The following SH3GL2 variants were observed in gnomAD, a reference collection of about 807,000 sequenced individuals.
SH3GL2 encodes SH3 domain containing GRB2 like 2, endophilin A1.
In SH3GL2, 24 loss-of-function variants were observed where a neutral mutation model predicts 46.0. The observed-to-expected ratio is 0.52, with a 90% CI of 0.38 to 0.73. SH3GL2 has a LOEUF of 0.73. Ranked by LOEUF, SH3GL2 falls within the 30% of genes least tolerant of loss-of-function variation. SH3GL2 has a pLI of 0.00. For synonymous variants in SH3GL2, 196 were observed against 147.1 expected, an observed-to-expected ratio of 1.33 and a Z score of -2.40; for missense variants, 413 against 424.2, an observed-to-expected ratio of 0.97 and a Z score of 0.23.
chr9:17,761,616 C>G lies in SH3GL2; in HGVS notation c.187+107C>G. 1.7e-5 allele frequency: 14 copies of G among 809,232 alleles called. No homozygotes were observed. The South Asian group carries it at 1.9e-4, about 11-fold the overall frequency. 50.1% of individuals were successfully genotyped at this position (809,232 alleles called of 1,614,324 possible). A position where few individuals can be genotyped will look rare whatever the true frequency, so the allele number is the denominator to read the frequency against. On this transcript the variant is annotated intron_variant, in intron 3 of 8. Transcript: ENST00000380607. ...GTTTCTTCTTTTGGTGTTGCTTCCTCGGTCCACTTTTCTGAGAGGTTAGCG... is the reference window on the plus strand; with the variant it reads ...GTTTCTTCTTTTGGTGTTGCTTCCTGGGTCCACTTTTCTGAGAGGTTAGCG...
chr9:17,698,773 C>G (rs1821271660), intron 1 of SH3GL2, among the ~76,000 whole-genome samples: 1 of 152,220 alleles, frequency 6.6e-6, no homozygotes, highest in Admixed American at 6.5e-5. Context: ...ACAGATGTTT[C>G]TAACCTTGAA....
At chr9:17,620,698 A>T (rs1819117760) in intron 1 of SH3GL2, among the ~76,000 whole-genome samples, 1 of 152,108 alleles carries the variant, frequency 6.6e-6, no homozygotes, top group Admixed American at 6.5e-5. Context: ...TTCAAGATAG[A>T]ATTTATCAGA....
At chr9:17,699,341 G>A (rs1821288928) in intron 1 of SH3GL2, among the ~76,000 whole-genome samples, 1 of 152,088 alleles carries the variant, frequency 6.6e-6, no homozygotes, top group African/African-American at 2.4e-5. Flanking sequence ...AAGGAAACAA[G>A]CAGTCACAGC....
intron 1 of SH3GL2, among the ~76,000 whole-genome samples, chr9:17,745,820 A>T (rs1363092462): frequency 6.6e-6 from 1 of 152,262 alleles, no homozygotes; most frequent in African/African-American, 2.4e-5. Context: ...AATCTTCTTA[A>T]AGACCCTCAA....
chr9:17,697,511 C>A (rs368197455), intron 1 of SH3GL2, among the ~76,000 whole-genome samples: 1 of 152,206 alleles, frequency 6.6e-6, no homozygotes, highest in African/African-American at 2.4e-5. Context: ...TGTGAGCCAC[C>A]GTGCCTGGCC....
At chr9:17,793,757 A>G (rs1209715520) in intron 8 of SH3GL2, among the ~76,000 whole-genome samples, 1 of 152,168 alleles carries the variant, frequency 6.6e-6, no homozygotes, top group African/African-American at 2.4e-5. Flanking sequence ...TCATCAGCAC[A>G]CACGAACACA....
intron 1 of SH3GL2, among the ~76,000 whole-genome samples, chr9:17,640,410 C>T (rs1819649794): frequency 6.6e-6 from 1 of 151,730 alleles, no homozygotes; most frequent in African/African-American, 2.4e-5. Context: ...TTTATTTTTC[C>T]AAGGGCATTA....
chr9:17,774,763 T>A (rs1588323993), intron 3 of SH3GL2, among the ~76,000 whole-genome samples: 1 of 152,304 alleles, frequency 6.6e-6, no homozygotes, highest in Non-Finnish European at 1.5e-5. Flanking sequence ...TCTTGTAGTG[T>A]CTTTGTCTGG....
chr9:17,641,421 G>A (rs10963183), intron 1 of SH3GL2, among the ~76,000 whole-genome samples: 3,911 of 152,154 alleles, frequency 0.026, 72 homozygotes, highest in Middle Eastern at 0.058. Flanking sequence ...CTAAAACATG[G>A]AGAAACCTTG....
At chr9:17,706,017 CAT>C (rs1429031736) in intron 1 of SH3GL2, among the ~76,000 whole-genome samples, 1 of 151,936 alleles carries the variant, frequency 6.6e-6, no homozygotes, top group Non-Finnish European at 1.5e-5. Context: ...ATTTTGGAGA[CAT>C]AGGGCTAAAA....
At chr9:17,607,869 A>T (rs1184354828) in intron 1 of SH3GL2, among the ~76,000 whole-genome samples, 1 of 152,188 alleles carries the variant, frequency 6.6e-6, no homozygotes, top group Non-Finnish European at 1.5e-5. Context: ...TCACAAACTG[A>T]TCATTCAAAT....
intron 1 of SH3GL2, among the ~76,000 whole-genome samples, chr9:17,662,566 T>C (rs1820247355): frequency 6.6e-6 from 1 of 152,162 alleles, no homozygotes; most frequent in South Asian, 2.1e-4. Context: ...AGTTTTCTAG[T>C]ATTTAGTGAC....
chr9:17,705,657 A>G (rs774899663), intron 1 of SH3GL2, among the ~76,000 whole-genome samples: 1 of 152,062 alleles, frequency 6.6e-6, no homozygotes, highest in African/African-American at 2.4e-5. Flanking sequence ...TTGCAGCAAC[A>G]TGCATGGAGC....
chr9:17,749,253 A>ATTTTACCC (rs1232614380), intron 2 of SH3GL2, among the ~76,000 whole-genome samples: 2 of 152,170 alleles, frequency 1.3e-5, no homozygotes, highest in Non-Finnish European at 2.9e-5. Context: ...TGGAAATAAT[A>ATTTTACCC]TTTTACCCAT....
At chr9:17,699,360 T>C (rs1821289373) in intron 1 of SH3GL2, among the ~76,000 whole-genome samples, 1 of 152,106 alleles carries the variant, frequency 6.6e-6, no homozygotes, top group South Asian at 2.1e-4. Context: ...GCTTATATTT[T>C]TCCAAACTAA....
intron 1 of SH3GL2, among the ~76,000 whole-genome samples, chr9:17,679,118 C>G (rs1820694613): frequency 6.6e-6 from 1 of 152,034 alleles, no homozygotes; most frequent in East Asian, 1.9e-4. Context: ...AATGCGGGCT[C>G]TTTTTTGGTT....
At chr9:17,747,533 A>G (rs1284700163) in intron 2 of SH3GL2, among the ~76,000 whole-genome samples, 2 of 152,156 alleles carry the variant, frequency 1.3e-5, no homozygotes, top group Non-Finnish European at 2.9e-5. Flanking sequence ...TCCTTACTGG[A>G]TGATTGGCCA....
chr9:17,643,698 G>A (rs1819739366), intron 1 of SH3GL2, among the ~76,000 whole-genome samples: 1 of 152,142 alleles, frequency 6.6e-6, no homozygotes, highest in Non-Finnish European at 1.5e-5. Context: ...TGATCGTGGT[G>A]GATAAGCTTT....
chr9:17,747,960 C>A, intron 2 of SH3GL2, among the ~76,000 whole-genome samples: 1 of 152,132 alleles, frequency 6.6e-6, no homozygotes, highest in Admixed American at 6.5e-5. Flanking sequence ...AGGCATGAAC[C>A]ACTGCACCCA....
Sources: allele counts gnomAD v4.1 joint callset (sites outside exome capture counted in the v4.1 genomes callset), GRCh38; gene constraint gnomAD v4.1.1; transcripts MANE v1.5; gene names NCBI Gene and HGNC (gene_info 2026-07-23, HGNC 2026-07-21).